Variants in PPARGC1A observed in about 807,000 individuals in gnomAD.
PPARGC1A encodes peroxisome proliferator-activated receptor gamma coactivator 1-alpha.
A neutral mutation model predicts 88.7 loss-of-function variants in PPARGC1A; 25 were observed. The observed-to-expected ratio is 0.28, with a 90% CI of 0.21 to 0.39. The LOEUF (loss-of-function observed/expected upper bound fraction) is 0.39. Ranked by LOEUF, PPARGC1A falls within the 10% of genes least tolerant of loss-of-function variation. PPARGC1A has a pLI of 1.00. For missense variants in PPARGC1A, 880 were observed against 968.7 expected, an observed-to-expected ratio of 0.91 and a Z score of 1.22; for synonymous variants, 363 against 355.6, an observed-to-expected ratio of 1.02 and a Z score of -0.24.
intron 1 of PPARGC1A, among the ~76,000 whole-genome samples, chr4:23,886,574 G>C (rs1180586229): frequency 6.6e-6 from 1 of 152,070 alleles, no homozygotes; most frequent in Non-Finnish European, 1.5e-5. Context: ...TCATTTTATT[G>C]GTCTTTCCTT....
the PPARGC1A span, among the ~76,000 whole-genome samples, chr4:24,233,529 T>C: frequency 6.6e-6 from 1 of 151,852 alleles, no homozygotes; most frequent in Non-Finnish European, 1.5e-5. Context: ...CTCAATGGGC[T>C]CTAATAGCTG....
the PPARGC1A span, among the ~76,000 whole-genome samples, chr4:24,039,036 TA>T: frequency 6.6e-6 from 1 of 152,166 alleles, no homozygotes; most frequent in Non-Finnish European, 1.5e-5. Flanking sequence ...GGCCCACCAT[TA>T]AATATCATCG....
At chr4:24,291,019 T>C in the PPARGC1A span, among the ~76,000 whole-genome samples, 1 of 152,212 alleles carries the variant, frequency 6.6e-6, no homozygotes, top group Admixed American at 6.5e-5. Flanking sequence ...TACTGTCTTA[T>C]GCACCCCATT....
the PPARGC1A span, among the ~76,000 whole-genome samples, chr4:24,227,619 T>A: frequency 6.6e-6 from 1 of 152,192 alleles, no homozygotes; most frequent in Non-Finnish European, 1.5e-5. Flanking sequence ...TCATTGTAGG[T>A]ATTTTAGACA....
rs765593598 is a variant in PPARGC1A, at chr4:23,824,295, G to T, written c.862C>A (p.Leu288Ile). ...TAAGGCTTACCTGCAGTTCCAGAGAGTTCCACACTTAAGGTGCGTTCAATA... is the reference window on the plus strand; with the variant it reads ...TAAGGCTTACCTGCAGTTCCAGAGATTTCCACACTTAAGGTGCGTTCAATA... ...KTIERTLSVE[L>I]SGTAGLTPPT... Residue 288 changes from leucine to isoleucine, a missense_variant, in exon 7 of 13, where the codon CTC becomes ATC. By Grantham distance (5) the Leu-to-Ile change is conservative. Coordinates refer to ENST00000264867, the MANE Select transcript of PPARGC1A (RefSeq NM_013261.5). The T allele has an allele frequency of 4.3e-6, 7 of 1,613,284 alleles. No individual in the cohort carries two copies. Among genetic ancestry groups the T allele is most frequent in the Non-Finnish European group, 5.9e-6 (7 of 1,179,558 alleles).
chr4:23,813,477 C>A (rs1177812737), intron 8 of PPARGC1A, among the ~76,000 whole-genome samples: 1 of 152,194 alleles, frequency 6.6e-6, no homozygotes, highest in African/African-American at 2.4e-5. Flanking sequence ...TCTGATAGGA[C>A]TGGCTCAAGG....
chr4:23,874,354 G>A (rs1413060307), intron 2 of PPARGC1A, among the ~76,000 whole-genome samples: 1 of 152,128 alleles, frequency 6.6e-6, no homozygotes, highest in Non-Finnish European at 1.5e-5. Context: ...GTGTGACTGC[G>A]ACCAAAATGG....
the PPARGC1A span, among the ~76,000 whole-genome samples, chr4:24,234,705 T>C: frequency 6.6e-6 from 1 of 152,224 alleles, no homozygotes; most frequent in Non-Finnish European, 1.5e-5. Context: ...AGGATCCACC[T>C]TTACATAGAA....
the PPARGC1A span, among the ~76,000 whole-genome samples, chr4:24,099,984 AG>A: frequency 9.6e-5 from 3 of 31,380 alleles, no homozygotes; most frequent in Non-Finnish European, 1.2e-4. Flanking sequence ...GGGTGGGGGG[AG>A]GGGGGAGGGA....
chr4:23,920,754 A>G, the PPARGC1A span, among the ~76,000 whole-genome samples: 4 of 152,206 alleles, frequency 2.6e-5, no homozygotes, highest in East Asian at 7.7e-4. Context: ...GAATTATTTT[A>G]CATTATCTTC....
At chr4:23,879,186 G>A (rs1466535450) in intron 2 of PPARGC1A, among the ~76,000 whole-genome samples, 1 of 152,204 alleles carries the variant, frequency 6.6e-6, no homozygotes, top group Non-Finnish European at 1.5e-5. Flanking sequence ...GTATATACAT[G>A]CATTCTTTTT....
the PPARGC1A span, among the ~76,000 whole-genome samples, chr4:24,075,055 A>C: frequency 3.4e-4 from 52 of 152,264 alleles, no homozygotes; most frequent in Non-Finnish European, 6.8e-4. Flanking sequence ...TGATAGACAG[A>C]AGTGCATGAT....
chr4:23,984,636 T>G, the PPARGC1A span, among the ~76,000 whole-genome samples: 1 of 152,104 alleles, frequency 6.6e-6, no homozygotes, highest in Non-Finnish European at 1.5e-5. Flanking sequence ...AGGTGTATAA[T>G]CATGTATCAC....
At chr4:23,963,583 T>A in the PPARGC1A span, among the ~76,000 whole-genome samples, 1 of 152,182 alleles carries the variant, frequency 6.6e-6, no homozygotes, top group Non-Finnish European at 1.5e-5. Context: ...GTATCTTGTC[T>A]TTGTAGAGAT....
the PPARGC1A span, among the ~76,000 whole-genome samples, chr4:24,085,763 A>G: frequency 6.6e-6 from 1 of 152,190 alleles, no homozygotes; most frequent in Non-Finnish European, 1.5e-5. Context: ...CTCAGATGCC[A>G]TCTACTCTGT....
At chr4:23,929,585 A>G in the PPARGC1A span, among the ~76,000 whole-genome samples, 1 of 152,228 alleles carries the variant, frequency 6.6e-6, no homozygotes. Flanking sequence ...TTGAATGTTA[A>G]TGACAGAAAC....
chr4:23,864,124 C>T (rs1456182131), intron 2 of PPARGC1A, among the ~76,000 whole-genome samples: 1 of 152,218 alleles, frequency 6.6e-6, no homozygotes, highest in African/African-American at 2.4e-5. Context: ...TCTCTTCCCA[C>T]CTCTAAAATT....
At chr4:24,314,436 G>T in the PPARGC1A span, among the ~76,000 whole-genome samples, 1 of 152,114 alleles carries the variant, frequency 6.6e-6, no homozygotes, top group Non-Finnish European at 1.5e-5. Context: ...TGTCATGGGA[G>T]GACACTTATA....
At chr4:24,355,728 C>G in the PPARGC1A span, among the ~76,000 whole-genome samples, 2 of 151,988 alleles carry the variant, frequency 1.3e-5, no homozygotes, top group Non-Finnish European at 2.9e-5. Flanking sequence ...CAGTCACAAA[C>G]CCGCCGAGAG....
Sources: allele counts gnomAD v4.1 joint callset (sites outside exome capture counted in the v4.1 genomes callset), GRCh38; gene constraint gnomAD v4.1.1; transcripts MANE v1.5; gene names NCBI Gene and HGNC (gene_info 2026-07-23, HGNC 2026-07-21).